Variants in CALN1 observed in about 807,000 individuals in gnomAD.
CALN1 encodes calcium-binding protein 8.
A neutral mutation model predicts 30.6 loss-of-function variants in CALN1; 17 were observed. That is an observed-to-expected ratio of 0.56 (90% CI 0.38 to 0.83). The LOEUF (loss-of-function observed/expected upper bound fraction) is 0.83. CALN1 is among the 40% of genes least tolerant of loss of function. The pLI, the probability that CALN1 is intolerant of heterozygous loss-of-function variation, is 0.00. For synonymous variants in CALN1, 156 were observed against 131.4 expected (o/e 1.19, Z -1.28); for missense variants, 291 against 354.9 (o/e 0.82, Z 1.45).
chr7:72,457,426 G>A, the CALN1 span, among the ~76,000 whole-genome samples: 3 of 152,150 alleles, frequency 2.0e-5, no homozygotes, highest in Non-Finnish European at 2.9e-5. Context: ...CCAGCTACAT[G>A]AAACCACTTG....
At chr7:72,223,087 A>G (rs1231473189) in intron 3 of CALN1, among the ~76,000 whole-genome samples, 1 of 152,182 alleles carries the variant, frequency 6.6e-6, no homozygotes, top group African/African-American at 2.4e-5. Flanking sequence ...GGCTCCTGTT[A>G]AAGCAGTTGG....
chr7:72,316,127 G>C (rs1242786965), intron 2 of CALN1, among the ~76,000 whole-genome samples: 2 of 150,346 alleles, frequency 1.3e-5, no homozygotes, highest in Non-Finnish European at 3.0e-5. Context: ...CTCCAGCCCA[G>C]ATGACAGATT....
chr7:72,331,484 T>C (rs987896374), intron 2 of CALN1, among the ~76,000 whole-genome samples: 2 of 152,186 alleles, frequency 1.3e-5, no homozygotes, highest in African/African-American at 2.4e-5. Context: ...TCTGAGCATC[T>C]TGAATGCAGC....
chr7:71,988,718 C>T (rs996166397), intron 5 of CALN1, among the ~76,000 whole-genome samples: 1 of 152,242 alleles, frequency 6.6e-6, no homozygotes, highest in East Asian at 1.9e-4. Context: ...GACGCTGACC[C>T]GGGCCATCGA....
At chr7:72,135,861 A>G (rs1276418467) in intron 3 of CALN1, among the ~76,000 whole-genome samples, 1 of 152,150 alleles carries the variant, frequency 6.6e-6, no homozygotes, top group Non-Finnish European at 1.5e-5. Flanking sequence ...GGCTGGGTGC[A>G]GTGGCTCATG....
intron 2 of CALN1, among the ~76,000 whole-genome samples, chr7:72,320,740 C>A (rs1226760605): frequency 2.0e-5 from 3 of 147,046 alleles, no homozygotes; most frequent in Non-Finnish European, 4.4e-5. Flanking sequence ...GAGCCTGAGA[C>A]AGGAGAATTG....
intron 3 of CALN1, among the ~76,000 whole-genome samples, chr7:72,253,095 C>A (rs911486829): frequency 1.3e-5 from 2 of 152,056 alleles, no homozygotes; most frequent in Non-Finnish European, 2.9e-5. Context: ...ATTCCATCCA[C>A]CCTGTTCTAC....
At chr7:72,035,171 T>C (rs1014630271) in intron 4 of CALN1, among the ~76,000 whole-genome samples, 5 of 152,166 alleles carry the variant, frequency 3.3e-5, no homozygotes, top group African/African-American at 7.2e-5. Flanking sequence ...GGTCTAGTAT[T>C]AAATGCATTC....
chr7:72,225,059 G>A (rs1156784865), intron 3 of CALN1, among the ~76,000 whole-genome samples: 3 of 151,412 alleles, frequency 2.0e-5, no homozygotes, highest in Non-Finnish European at 2.9e-5. Context: ...CAGAGATCAC[G>A]CCACTGCACT....
In CALN1 at chr7:71,911,119, T is replaced by C. The variant is rs549229812; in HGVS notation, c.502-100627A>G. On this transcript the variant is annotated intron_variant, in intron 5 of 6. Transcript: ENST00000395275. Reference sequence around the variant, plus strand: ...ACTAGTTAATCTTCAAAGTCCTTACTGGCGCCAGCAGACAATGACTGTGCC... The same window carrying C: ...ACTAGTTAATCTTCAAAGTCCTTACCGGCGCCAGCAGACAATGACTGTGCC... Among the ~76,000 whole-genome samples, 4 of 152,294 alleles carry C rather than the reference T, an allele frequency of 2.6e-5. No homozygotes were observed. In the South Asian group the frequency reaches 8.3e-4, roughly 32 times the overall value.
At chr7:72,035,910 G>A (rs999806508) in intron 4 of CALN1, among the ~76,000 whole-genome samples, 3 of 152,124 alleles carry the variant, frequency 2.0e-5, no homozygotes, top group Non-Finnish European at 2.9e-5. Flanking sequence ...TTTTATGATT[G>A]CCCACATAAT....
intron 3 of CALN1, among the ~76,000 whole-genome samples, chr7:72,201,455 G>T (rs1439849375): frequency 6.6e-6 from 1 of 151,992 alleles, no homozygotes; most frequent in Non-Finnish European, 1.5e-5. Flanking sequence ...GCCAGGCATG[G>T]TGGTGCGCAC....
chr7:71,947,428 C>T (rs935886261), intron 5 of CALN1, among the ~76,000 whole-genome samples: 1 of 152,076 alleles, frequency 6.6e-6, no homozygotes, highest in Middle Eastern at 3.2e-3. Flanking sequence ...AAATCCAGTA[C>T]AATGAAGATA....
At chr7:71,986,267 C>T (rs959466923) in intron 5 of CALN1, among the ~76,000 whole-genome samples, 2 of 151,588 alleles carry the variant, frequency 1.3e-5, no homozygotes, top group African/African-American at 2.4e-5. Context: ...ATGCTGGTCT[C>T]GAACTCCTGA....
chr7:72,243,468 G>A (rs1383185294), intron 3 of CALN1, among the ~76,000 whole-genome samples: 3 of 152,110 alleles, frequency 2.0e-5, no homozygotes, highest in Non-Finnish European at 2.9e-5. Context: ...TTAAATCAGT[G>A]AGCTTCTTTC....
intron 1 of CALN1, among the ~76,000 whole-genome samples, chr7:72,433,611 G>A (rs1201844411): frequency 2.0e-5 from 3 of 152,044 alleles, no homozygotes; most frequent in African/African-American, 7.2e-5. Context: ...TCTCAGTTTT[G>A]GCTCTGCTTC....
chr7:71,947,738 C>A (rs986274693), intron 5 of CALN1, among the ~76,000 whole-genome samples: 1 of 151,910 alleles, frequency 6.6e-6, no homozygotes, highest in Non-Finnish European at 1.5e-5. Context: ...GTCAGGAGTT[C>A]GAGACCAGCC....
chr7:72,205,557 T>TACATATATATATATATATATATAC, intron 3 of CALN1, among the ~76,000 whole-genome samples: 1 of 109,934 alleles, frequency 9.1e-6, no homozygotes, highest in South Asian at 3.2e-4. Flanking sequence ...AAAAAATATA[T>TACATATATATATATATATATATAC]ATATATATAT....
At chr7:72,020,673 A>C (rs1800652898) in intron 5 of CALN1, among the ~76,000 whole-genome samples, 2 of 152,210 alleles carry the variant, frequency 1.3e-5, no homozygotes, top group African/African-American at 4.8e-5. Context: ...TCCTTTCTCC[A>C]GCCTATCTTT....
Sources: gnomAD v4.1 joint callset for allele counts (sites outside exome capture counted in the v4.1 genomes callset) on GRCh38, gnomAD v4.1.1 for gene constraint, MANE v1.5 for transcripts, NCBI Gene and HGNC (gene_info 2026-07-23, HGNC 2026-07-21) for gene names.